IRAG1: variants seen among roughly 807,000 people sequenced by gnomAD.
IRAG1 encodes inositol 1,4,5-triphosphate receptor associated 1, also known as IP3R-associated cGMP kinase substrate.
Under a neutral mutation model 106.2 loss-of-function variants are expected in IRAG1, and 62 were observed. That is an observed-to-expected ratio of 0.58 (90% CI 0.48 to 0.72). The LOEUF (loss-of-function observed/expected upper bound fraction) is 0.72, where lower values mean the gene tolerates loss of function less well. IRAG1 is among the 30% of genes least tolerant of loss of function. The pLI is 0.00. For missense variants in IRAG1, 1,064 were observed against 1,140.7 expected (o/e 0.93, Z 0.97); for synonymous variants, 462 against 443.9 (o/e 1.04, Z -0.51).
rs758300437 is a variant in IRAG1 at position 10,580,510 on chromosome 11, C to G, written c.2440G>C (p.Glu814Gln). ...EEEEQKSESP[E>Q]EPEEVEETEE... The stretch of plus-strand genomic sequence containing the variant: ...GTTTCTTCTACCTCTTCAGGTTCCT[C>G]AGGACTCTCACTCTTCTGTTCTTCC... The change falls in exon 20 of 21, where the codon GAG (glutamate) becomes CAG (glutamine). Residue 814 changes from glutamate to glutamine, a missense_variant. By Grantham distance (29) the Glu-to-Gln change is conservative. Coordinates refer to ENST00000423302, the MANE Select transcript of IRAG1 (RefSeq NM_130385.4). The G allele has an allele frequency of 1.9e-6, 3 of 1,613,958 alleles. No individual in the cohort carries two copies. The highest frequency in any genetic ancestry group is 2.5e-6 in the Non-Finnish European group (3 of 1,179,850).
At chr11:10,649,587 G>A (rs1468682770) in intron 2 of IRAG1, among the ~76,000 whole-genome samples, 3 of 152,184 alleles carry the variant, frequency 2.0e-5, no homozygotes, top group African/African-American at 4.8e-5. Flanking sequence ...CTTAAATCCT[G>A]TGCTAGGTAT....
At chr11:10,660,009 A>T (rs1368080344) in intron 1 of IRAG1, among the ~76,000 whole-genome samples, 1 of 152,176 alleles carries the variant, frequency 6.6e-6, no homozygotes, top group Non-Finnish European at 1.5e-5. Flanking sequence ...CCAGGAAGAC[A>T]TGGAGGATCA....
In IRAG1 at chr11:10,652,195, C is replaced by G. The variant is rs1461598481; in HGVS notation, c.68-13G>C. 2 of 1,613,326 alleles carry G rather than the reference C, an allele frequency of 1.2e-6. No homozygotes were observed. Among genetic ancestry groups the G allele is most frequent in the South Asian group, 2.2e-5 (2 of 90,986 alleles). Reference sequence around the variant, plus strand: ...TGGGCTCCACAGGCTGGGGAGATGCCAAAAGGACAAGTCAAATCCATTCCC... The same window carrying G: ...TGGGCTCCACAGGCTGGGGAGATGCGAAAAGGACAAGTCAAATCCATTCCC... On this transcript the variant is annotated splice_polypyrimidine_tract_variant and intron_variant, in intron 1 of 20. Transcript: ENST00000423302.
At chr11:10,643,503 A>T (rs531000370) in intron 2 of IRAG1, among the ~76,000 whole-genome samples, 1 of 152,124 alleles carries the variant, frequency 6.6e-6, no homozygotes, top group Admixed American at 6.5e-5. Flanking sequence ...ATGCCAACAG[A>T]CTCTGGGAGT....
chr11:10,685,317 G>A (rs769699085), intron 1 of IRAG1, among the ~76,000 whole-genome samples: 16 of 151,272 alleles, frequency 1.1e-4, no homozygotes, highest in African/African-American at 2.9e-4. Context: ...GCATGGTGGC[G>A]CATGCCTGTA....
rs1860857642 is a variant in IRAG1 at position 10,678,154 on chromosome 11, T to G, written c.67+15382A>C. Among the ~76,000 whole-genome samples the G allele has an allele frequency of 2.0e-5, 3 of 152,344 alleles. No individual in the cohort carries two copies. The South Asian group carries it at 6.2e-4, about 32-fold the overall frequency. On this transcript the variant is annotated intron_variant, in intron 1 of 20. Transcript: ENST00000423302. ...GTTACACTGTGATACAACTTCTGTT[T>G]GAACACCTGTTTTCAATTCTTTTGC...
intron 18 of IRAG1, among the ~76,000 whole-genome samples, chr11:10,586,728 C>G (rs2134154691): frequency 6.6e-6 from 1 of 152,262 alleles, no homozygotes; most frequent in South Asian, 2.1e-4. Flanking sequence ...CTCTCTCTCC[C>G]TTTATGCTGC....
chr11:10,595,159 A>G lies in IRAG1; in HGVS notation c.2018-964T>C, dbSNP rs571686229. 9.3e-5 allele frequency among the ~76,000 whole-genome samples: 14 copies of G among 151,294 alleles called. 1 individual carries two copies. The highest frequency in any genetic ancestry group is 9.2e-4 in the Admixed American group (14 of 15,160). On this transcript the variant is annotated intron_variant, in intron 15 of 20. Coordinates refer to ENST00000423302, the MANE Select transcript of IRAG1 (RefSeq NM_130385.4). ...AGGCTGGTCTCCAACTCCTGAGCTT[A>G]AAGTATCTACCCGCCTCGGCCGCCC... is the stretch of plus-strand genomic sequence containing the variant.
Position 10,617,265 on chromosome 11 carries a change from TA to T in IRAG1, c.1447+6512del, listed in dbSNP as rs1417626989. 6 of 850,708 alleles carry T rather than the reference TA, an allele frequency of 7.1e-6. No homozygotes were observed. The Admixed American group carries it at 3.7e-4, about 53-fold the overall frequency. 52.7% of individuals were successfully genotyped at this position (850,708 alleles called of 1,614,324 possible). On this transcript the variant is annotated intron_variant, in intron 10 of 20. Transcript: ENST00000423302. ...CATTTACTGAACATCAACTATGCAGTAGATACACTTTGTCATTTCTTACAAT... is the reference window on the plus strand; with the variant it reads ...CATTTACTGAACATCAACTATGCAGTGATACACTTTGTCATTTCTTACAAT...
At chr11:10,587,508 A>G (rs146665097) in intron 18 of IRAG1, among the ~76,000 whole-genome samples, 242 of 152,334 alleles carry the variant, frequency 1.6e-3, no homozygotes, top group African/African-American at 5.7e-3. Flanking sequence ...TACCATCAGC[A>G]AAGGGGAGTT....
At chr11:10,658,211 C>A (rs572191071) in intron 1 of IRAG1, among the ~76,000 whole-genome samples, 1 of 152,310 alleles carries the variant, frequency 6.6e-6, no homozygotes, top group South Asian at 2.1e-4. Context: ...ACAAGTGAGC[C>A]GGATGGGAAG....
At chr11:10,681,259 AG>A (rs1861233613) in intron 1 of IRAG1, among the ~76,000 whole-genome samples, 1 of 152,216 alleles carries the variant, frequency 6.6e-6, no homozygotes, top group Non-Finnish European at 1.5e-5. Context: ...CAGAGTGGCC[AG>A]GCTCTAGCGG....
chr11:10,651,444 T>C (rs2134896388), intron 2 of IRAG1, among the ~76,000 whole-genome samples: 1 of 152,386 alleles, frequency 6.6e-6, no homozygotes, highest in East Asian at 1.9e-4. Context: ...CATTTTATTC[T>C]TTCTTCAATC....
intron 1 of IRAG1, among the ~76,000 whole-genome samples, chr11:10,678,162 T>A (rs914175713): frequency 1.3e-5 from 2 of 152,216 alleles, no homozygotes; most frequent in African/African-American, 4.8e-5. Context: ...TTTGAACACC[T>A]GTTTTCAATT....
In IRAG1 at chr11:10,580,480, C is replaced by T; in HGVS notation, c.2470G>A (p.Glu824Lys). 2.5e-6 allele frequency: 4 copies of T among 1,613,640 alleles called. No homozygotes were observed. The highest frequency in any genetic ancestry group is 3.4e-6 in the Non-Finnish European group (4 of 1,179,780). ...CTGCTTCTTGGGCCCTTTTCCTCTT[C>T]CTCAGTTTCTTCTACCTCTTCAGGT... ...EEPEEVEETE[E>K]EEKGPRSSKL... Residue 824 changes from glutamate to lysine, a missense_variant, in exon 20 of 21, where the codon GAA becomes AAA. By Grantham distance (56) the Glu-to-Lys change is moderately conservative. Coordinates refer to ENST00000423302, the MANE Select transcript of IRAG1 (RefSeq NM_130385.4).
intron 18 of IRAG1, among the ~76,000 whole-genome samples, chr11:10,588,822 T>G (rs1852322403): frequency 6.6e-6 from 1 of 152,206 alleles, no homozygotes; most frequent in Non-Finnish European, 1.5e-5. Context: ...CATCTGTCTT[T>G]CCCGCTAGAC....
intron 8 of IRAG1, 75 bp from the exon 9 acceptor site, chr11:10,626,658 G>C: frequency 1.4e-6 from 2 of 1,474,886 alleles, no homozygotes; most frequent in Non-Finnish European, 1.8e-6. Flanking sequence ...TTCTGCTGTG[G>C]AGTCTCTGCC....
intron 1 of IRAG1, among the ~76,000 whole-genome samples, chr11:10,676,533 AG>A (rs1860691810): frequency 6.6e-6 from 1 of 152,236 alleles, no homozygotes; most frequent in African/African-American, 2.4e-5. Flanking sequence ...CACGTGACTC[AG>A]ACCAGGCCAA....
intron 1 of IRAG1, among the ~76,000 whole-genome samples, chr11:10,666,308 A>G (rs1859781262): frequency 6.6e-6 from 1 of 152,184 alleles, no homozygotes; most frequent in African/African-American, 2.4e-5. Context: ...CAGGTGAGAA[A>G]ATTGAAGCTC....
Sources: gnomAD v4.1 joint callset for allele counts (sites outside exome capture counted in the v4.1 genomes callset) on GRCh38, gnomAD v4.1.1 for gene constraint, MANE v1.5 for transcripts, NCBI Gene and HGNC (gene_info 2026-07-23, HGNC 2026-07-21) for gene names.